The following FOXK2 variants were observed in gnomAD, a reference collection of about 807,000 sequenced individuals.
FOXK2 encodes forkhead box K2.
A neutral mutation model predicts 53.3 loss-of-function variants in FOXK2; 24 were observed. The observed-to-expected ratio is 0.45, with a 90% confidence interval of 0.33 to 0.63. The LOEUF is 0.63. FOXK2 is among the 30% of genes least tolerant of loss of function. The pLI is 0.03. For synonymous variants in FOXK2, 505 were observed against 407.1 expected (o/e 1.24, Z -2.89); for missense variants, 952 against 910.5 (o/e 1.05, Z -0.59).
intron 1 of FOXK2, among the ~76,000 whole-genome samples, chr17:82,523,431 A>G (rs1351303582): frequency 6.6e-6 from 1 of 152,080 alleles, no homozygotes; most frequent in African/African-American, 2.4e-5. Flanking sequence ...TAAATCATAA[A>G]GAATTGGTAC....
At chr17:82,529,776 C>G (rs1418015255) in intron 1 of FOXK2, among the ~76,000 whole-genome samples, 3 of 152,208 alleles carry the variant, frequency 2.0e-5, no homozygotes, top group Non-Finnish European at 4.4e-5. Flanking sequence ...TGAAAGGACA[C>G]TCTCGGAATG....
At chr17:82,581,769 C>T (rs1047160751) in intron 4 of FOXK2, among the ~76,000 whole-genome samples, 2 of 152,180 alleles carry the variant, frequency 1.3e-5, no homozygotes, top group African/African-American at 4.8e-5. Flanking sequence ...GCCACCATGC[C>T]TGGCCAATTT....
chr17:82,597,572 C>T (rs942593435), intron 8 of FOXK2, among the ~76,000 whole-genome samples: 4 of 152,248 alleles, frequency 2.6e-5, no homozygotes, highest in African/African-American at 4.8e-5. Flanking sequence ...GGGGTCTCCA[C>T]GTGGCGGAGT....
chr17:82,579,275 T>C (rs1279408624), intron 4 of FOXK2, among the ~76,000 whole-genome samples: 1 of 152,212 alleles, frequency 6.6e-6, no homozygotes, highest in Non-Finnish European at 1.5e-5. Context: ...TCTCTGTCTT[T>C]GTCGGGGCAC....
intron 1 of FOXK2, among the ~76,000 whole-genome samples, chr17:82,543,086 C>A (rs1259553402): frequency 6.6e-6 from 1 of 152,174 alleles, no homozygotes; most frequent in African/African-American, 2.4e-5. Flanking sequence ...GTGCTGTTGC[C>A]AGAGTGGCCA....
At chr17:82,522,772 T>C (rs912773012) in intron 1 of FOXK2, among the ~76,000 whole-genome samples, 2 of 152,116 alleles carry the variant, frequency 1.3e-5, no homozygotes, top group Non-Finnish European at 2.9e-5. Context: ...TGGAGATAAG[T>C]TGACCTTTCA....
chr17:82,584,465 G>A (rs757157255), intron 6 of FOXK2, among the ~76,000 whole-genome samples: 7 of 138,800 alleles, frequency 5.0e-5, no homozygotes, highest in Admixed American at 2.2e-4. Context: ...AACAGCCCCC[G>A]CACCCCCACC....
At chr17:82,536,579 A>G (rs1328752339) in intron 1 of FOXK2, among the ~76,000 whole-genome samples, 2 of 152,338 alleles carry the variant, frequency 1.3e-5, no homozygotes, top group African/African-American at 2.4e-5. Context: ...CTTGAATGCC[A>G]GGAACTCTTA....
chr17:82,551,901 T>C (rs1302360791), intron 1 of FOXK2, among the ~76,000 whole-genome samples: 2 of 152,118 alleles, frequency 1.3e-5, no homozygotes, highest in Non-Finnish European at 2.9e-5. Context: ...AGCCCATTCC[T>C]GGGCCTGGCA....
chr17:82,525,623 G>T (rs571996213), intron 1 of FOXK2, among the ~76,000 whole-genome samples: 1 of 152,216 alleles, frequency 6.6e-6, no homozygotes, highest in African/African-American at 2.4e-5. Context: ...TATAATTTAT[G>T]AATAAAAATA....
At chr17:82,552,862 G>T (rs1352965594) in intron 1 of FOXK2, among the ~76,000 whole-genome samples, 2 of 152,188 alleles carry the variant, frequency 1.3e-5, no homozygotes, top group African/African-American at 4.8e-5. Flanking sequence ...GCTCTGCAAG[G>T]CTCCAAACCG....
chr17:82,520,525 G>GC (rs61108007), intron 1 of FOXK2, among the ~76,000 whole-genome samples: 26,173 of 152,122 alleles, frequency 0.17, 2,887 homozygotes, highest in East Asian at 0.39. Flanking sequence ...GGCAGGTGCA[G>GC]CCCCCCGTCT....
At chr17:82,592,977 C>T (rs1462971039) in intron 8 of FOXK2, among the ~76,000 whole-genome samples, 3 of 150,240 alleles carry the variant, frequency 2.0e-5, no homozygotes, top group African/African-American at 7.4e-5. Context: ...TGAAAGCAGA[C>T]CCAGTGAAGG....
rs957335891 is a variant in FOXK2, at chr17:82,602,225, A to G, written c.*726A>G. ...ACAGGTGGACGGACGCTGTGGCCGCATGGAACCTTGAGAACCCAGGGACGA... is the reference window on the plus strand; with the variant it reads ...ACAGGTGGACGGACGCTGTGGCCGCGTGGAACCTTGAGAACCCAGGGACGA... On this transcript the variant is annotated 3_prime_UTR_variant, in exon 9 of 9. Coordinates refer to ENST00000335255, the MANE Select transcript of FOXK2 (RefSeq NM_004514.4). The G allele has an allele frequency of 9.2e-5, 14 of 152,192 alleles. No homozygotes were observed. The highest frequency in any genetic ancestry group is 2.1e-4 in the South Asian group (1 of 4,826). 9.4% of individuals were successfully genotyped at this position (152,192 alleles called of 1,614,324 possible).
chr17:82,582,474 A>C (rs1210586836), intron 4 of FOXK2, among the ~76,000 whole-genome samples: 3 of 152,110 alleles, frequency 2.0e-5, no homozygotes, highest in Non-Finnish European at 2.9e-5. Flanking sequence ...CTCCTTCCAC[A>C]CAGCACAGCC....
chr17:82,527,426 C>G (rs926270230), intron 1 of FOXK2, among the ~76,000 whole-genome samples: 1 of 152,068 alleles, frequency 6.6e-6, no homozygotes. Flanking sequence ...GTCAGGAGTT[C>G]GAGATCAGCC....
chr17:82,550,257 T>C (rs1358914659), intron 1 of FOXK2, among the ~76,000 whole-genome samples: 3 of 152,146 alleles, frequency 2.0e-5, no homozygotes, highest in African/African-American at 7.2e-5. Context: ...TGGCCTGCCA[T>C]AGTGTTTTTA....
chr17:82,594,862 A>ATGG (rs1468723702), intron 8 of FOXK2, among the ~76,000 whole-genome samples: 1 of 152,228 alleles, frequency 6.6e-6, no homozygotes, highest in Non-Finnish European at 1.5e-5. Context: ...CCTGGACAAC[A>ATGG]TGGTGAATCT....
intron 1 of FOXK2, among the ~76,000 whole-genome samples, chr17:82,521,890 C>T (rs2044366464): frequency 6.6e-6 from 1 of 150,740 alleles, no homozygotes; most frequent in Non-Finnish European, 1.5e-5. Flanking sequence ...CCAGCGAGAT[C>T]GCACCACTGC....
Sources: gnomAD v4.1 joint callset for allele counts (sites outside exome capture counted in the v4.1 genomes callset) on GRCh38, gnomAD v4.1.1 for gene constraint, MANE v1.5 for transcripts, NCBI Gene and HGNC (gene_info 2026-07-23, HGNC 2026-07-21) for gene names.